Variants in UQCC2 observed in about 807,000 individuals in gnomAD.
The protein encoded by UQCC2 is breast cancer-associated protein SGA-81M.
Under a neutral mutation model 19.9 loss-of-function variants are expected in UQCC2, and 21 were observed. The observed-to-expected ratio is 1.05, with a 90% CI of 0.75 to 1.52. The LOEUF is 1.52. UQCC2 is among the 40% of genes most tolerant of loss of function. The pLI, the probability that UQCC2 is intolerant of heterozygous loss-of-function variation, is 0.00. For synonymous variants in UQCC2, 57 were observed against 60.9 expected, an observed-to-expected ratio of 0.94 and a Z score of 0.30; for missense variants, 135 against 157.5, an observed-to-expected ratio of 0.86 and a Z score of 0.76.
chr6:33,707,890 A>G (rs1433156841), intron 1 of UQCC2, among the ~76,000 whole-genome samples: 1 of 152,236 alleles, frequency 6.6e-6, no homozygotes, highest in East Asian at 1.9e-4. Context: ...AAAACTACAC[A>G]ATAGGATATG....
At chr6:33,698,307 G>C (rs369389046) in intron 3 of UQCC2, 1 of 153,748 alleles carries the variant, frequency 6.5e-6, no homozygotes, top group African/African-American at 2.4e-5. Context: ...GCCTGAATCC[G>C]AGCCCATCAT....
chr6:33,700,713 T>A (rs1390435253), intron 2 of UQCC2, among the ~76,000 whole-genome samples, 200 bp from the exon 3 acceptor site: 1 of 152,198 alleles, frequency 6.6e-6, no homozygotes, highest in Non-Finnish European at 1.5e-5. Context: ...AACTATAATG[T>A]ACCCGTGAGT....
At chr6:33,697,905 A>C (rs1765586198) in intron 3 of UQCC2, 155 bp from the exon 4 acceptor site, 2 of 628,672 alleles carry the variant, frequency 3.2e-6, no homozygotes, top group South Asian at 3.9e-5. Context: ...AGAGCAGATC[A>C]AACAGGTAAC....
chr6:33,707,361 C>A (rs943183154), intron 1 of UQCC2, among the ~76,000 whole-genome samples: 1 of 152,202 alleles, frequency 6.6e-6, no homozygotes, highest in African/African-American at 2.4e-5. Flanking sequence ...GATGGCTTCA[C>A]CGTGGCCAGC....
intron 1 of UQCC2, among the ~76,000 whole-genome samples, chr6:33,710,950 G>A (rs2082260045): frequency 6.6e-6 from 1 of 152,196 alleles, no homozygotes; most frequent in Non-Finnish European, 1.5e-5. Context: ...CAGGAAGAAC[G>A]CAAACGCTTA....
intron 1 of UQCC2, among the ~76,000 whole-genome samples, chr6:33,704,725 T>C (rs1301895225): frequency 6.6e-6 from 1 of 152,210 alleles, no homozygotes; most frequent in African/African-American, 2.4e-5. Context: ...CACTGCTTCC[T>C]GATAAACCTG....
Position 33,711,585 on chromosome 6 carries a change from C to A in UQCC2, c.102G>T (p.Arg34=). 3.1e-6 allele frequency: 5 copies of A among 1,613,950 alleles called. No individual in the cohort carries two copies. The highest frequency in any genetic ancestry group is 1.1e-5 in the South Asian group (1 of 91,072). The part of the protein sequence containing the change: ...GRDLGAYLRQ[R]VAQAFREGEN... ...CTCCCTCCCGAAAGGCCTGTGCTAC[C>A]CGCTGTCGCAGGTAAGCGCCCAAGT... The change falls in exon 1 of 4, where the codon CGG becomes CGT. Residue 34 remains arginine (R), a synonymous_variant. Transcript: ENST00000607484.
intron 2 of UQCC2, 61 bp downstream of exon 2, chr6:33,701,281 TTCAC>T: frequency 1.3e-6 from 2 of 1,498,816 alleles, no homozygotes; most frequent in Non-Finnish European, 1.8e-6. Context: ...TAATCAGATT[TTCAC>T]TCATTCTTAT....
At chr6:33,701,497 C>T (rs1001642476) in intron 1 of UQCC2, 77 bp from the exon 2 acceptor site, 1 of 1,422,496 alleles carries the variant, frequency 7.0e-7, no homozygotes. Flanking sequence ...GAGGAAAGAC[C>T]ATACTTAATA....
At chr6:33,703,430 G>T (rs894178660) in intron 1 of UQCC2, among the ~76,000 whole-genome samples, 3 of 152,014 alleles carry the variant, frequency 2.0e-5, no homozygotes, top group Non-Finnish European at 2.9e-5. Context: ...CCCAAAGTGT[G>T]CTCACTTATA....
At chr6:33,710,111 A>G (rs996781402) in intron 1 of UQCC2, among the ~76,000 whole-genome samples, 14 of 152,138 alleles carry the variant, frequency 9.2e-5, no homozygotes, top group Non-Finnish European at 1.8e-4. Context: ...CACATCCCAT[A>G]TATCAGCAAG....
At chr6:33,699,100 T>C (rs1383144245) in intron 3 of UQCC2, among the ~76,000 whole-genome samples, 1 of 152,038 alleles carries the variant, frequency 6.6e-6, no homozygotes, top group Non-Finnish European at 1.5e-5. Flanking sequence ...AATCCCAGGG[T>C]GGACACACAC....
intron 1 of UQCC2, among the ~76,000 whole-genome samples, chr6:33,704,615 C>A (rs1765678760): frequency 6.6e-6 from 1 of 152,170 alleles, no homozygotes; most frequent in South Asian, 2.1e-4. Context: ...TCCCGTCCTG[C>A]CACCATCCCC....
At chr6:33,702,642 C>T (rs767691334) in intron 1 of UQCC2, among the ~76,000 whole-genome samples, 12 of 152,240 alleles carry the variant, frequency 7.9e-5, no homozygotes, top group Non-Finnish European at 1.3e-4. Context: ...TGCACCTCTT[C>T]TAACTTTCCC....
chr6:33,701,012 G>A (rs943051279), intron 2 of UQCC2, among the ~76,000 whole-genome samples: 1 of 152,194 alleles, frequency 6.6e-6, no homozygotes, highest in Non-Finnish European at 1.5e-5. Flanking sequence ...CCAGAATGTG[G>A]GGAGGTGTCA....
At chr6:33,710,178 G>T (rs1282634072) in intron 1 of UQCC2, among the ~76,000 whole-genome samples, 1 of 152,050 alleles carries the variant, frequency 6.6e-6, no homozygotes, top group Non-Finnish European at 1.5e-5. Flanking sequence ...CTTCTGTGCT[G>T]CCGTCCTCAT....
At chr6:33,697,901 G>T in intron 3 of UQCC2, 151 bp from the exon 4 acceptor site, 1 of 630,422 alleles carries the variant, frequency 1.6e-6, no homozygotes, top group Non-Finnish European at 2.8e-6. Flanking sequence ...CTGAAGAGCA[G>T]ATCAAACAGG....
At chr6:33,700,631 A>G (rs751622829) in intron 2 of UQCC2, 118 bp from the exon 3 acceptor site, 27 of 1,043,414 alleles carry the variant, frequency 2.6e-5, no homozygotes, top group Non-Finnish European at 3.8e-5. Flanking sequence ...CCTAGCAAGG[A>G]GAAGAGCAGC....
intron 1 of UQCC2, among the ~76,000 whole-genome samples, chr6:33,705,596 T>A (rs1270704494): frequency 6.6e-6 from 1 of 152,032 alleles, no homozygotes; most frequent in Non-Finnish European, 1.5e-5. Flanking sequence ...CAATGCTGGG[T>A]TCCTAGCCAC....
Sources: allele counts gnomAD v4.1 joint callset (sites outside exome capture counted in the v4.1 genomes callset), GRCh38; gene constraint gnomAD v4.1.1; transcripts MANE v1.5; gene names NCBI Gene and HGNC (gene_info 2026-07-23, HGNC 2026-07-21).